Variants in ABCG5 observed in about 807,000 individuals in gnomAD.
ABCG5 encodes the protein ATP binding cassette subfamily G member 5.
ABCG5 carries 64 observed loss-of-function variants against 64.5 expected under a neutral mutation model. The ratio of observed to expected loss-of-function variants is 0.99; its 90% confidence interval spans 0.81 to 1.22. ABCG5 has a LOEUF of 1.22. Among genes scored for constraint, ABCG5 ranks in the 50% most tolerant of loss-of-function variants. ABCG5 has a pLI of 0.00. For missense variants in ABCG5, 908 were observed against 829.5 expected (o/e 1.09, Z -1.16); for synonymous variants, 385 against 326.3 (o/e 1.18, Z -1.94).
downstream of ABCG5, among the ~76,000 whole-genome samples, chr2:43,811,511 A>G (rs933015414): frequency 6.6e-6 from 1 of 152,194 alleles, no homozygotes; most frequent in African/African-American, 2.4e-5. Context: ...AAGTTACCAT[A>G]GTAACACTGA....
intron 4 of ABCG5, among the ~76,000 whole-genome samples, chr2:43,829,755 T>C (rs1050236151): frequency 1.3e-5 from 2 of 152,122 alleles, no homozygotes; most frequent in African/African-American, 4.8e-5. Flanking sequence ...GGCCGTGTTA[T>C]GAAAATGGAA....
rs1303059975 is a variant in ABCG5 at position 43,832,019 on chromosome 2, C to T, written c.330G>A (p.Leu110=). The T allele has an allele frequency of 6.4e-7, 1 of 1,570,658 alleles. No homozygotes were observed. The highest frequency in any genetic ancestry group is 2.3e-5 in the East Asian group (1 of 42,774). Residue 110 remains leucine, a synonymous_variant, in exon 3 of 13, where the codon CTG becomes CTA. Coordinates refer to ENST00000405322, the MANE Select transcript of ABCG5 (RefSeq NM_022436.3). ...CCCGGCCGTTCACATACACCTCCCC[C>T]AGGAAGGTCCCCGCGCGCCCCAGCC... ...SGRLGRAGTF[L]GEVYVNGRAL...
At position 43,822,642 on chromosome 2, in the gene ABCG5, T is replaced by C. The variant is rs986802102; in HGVS notation, c.1463+155A>G. The C allele has an allele frequency of 1.4e-5, 14 of 983,006 alleles. No homozygotes were observed. The Admixed American group carries it at 4.3e-4, about 30-fold the overall frequency. The allele number at this position is 983,006 out of a possible 1,614,324, so 60.9% of individuals were successfully genotyped here. ...GTTGGGCTATTTACAATAAAATTAA[T>C]GTCCTGGAAGATACGACATTGCACT... On this transcript the variant is annotated intron_variant, in intron 10 of 12. Transcript: ENST00000405322.
At chr2:43,823,814 G>T in intron 9 of ABCG5, 99 bp downstream of exon 9, 7 of 1,415,882 alleles carry the variant, frequency 4.9e-6, no homozygotes, top group Non-Finnish European at 6.7e-6. Flanking sequence ...GTTTAGCTCA[G>T]AGAAAAACCC....
chr2:43,808,218 T>C (rs1666340246), downstream of ABCG5, among the ~76,000 whole-genome samples: 3 of 151,846 alleles, frequency 2.0e-5, no homozygotes, highest in Admixed American at 6.6e-5. Flanking sequence ...CTACATATGA[T>C]TATTACCATG....
intron 6 of ABCG5, among the ~76,000 whole-genome samples, chr2:43,825,808 C>G (rs555791395): frequency 6.6e-6 from 1 of 152,180 alleles, no homozygotes; most frequent in Non-Finnish European, 1.5e-5. Context: ...CACTCTTTTC[C>G]TCTGTAAGGT....
At chr2:43,830,864 C>T (rs906616704) in intron 4 of ABCG5, among the ~76,000 whole-genome samples, 1 of 152,194 alleles carries the variant, frequency 6.6e-6, no homozygotes, top group Non-Finnish European at 1.5e-5. Context: ...GAGATTGGAA[C>T]CTAGAAGGAG....
downstream of ABCG5, chr2:43,810,483 C>T (rs1666444318): frequency 1.0e-6 from 1 of 985,352 alleles, no homozygotes; most frequent in Non-Finnish European, 1.2e-6. Context: ...GAAGCCATTC[C>T]AATCTGTAGA....
chr2:43,832,105 C>T, intron 2 of ABCG5, 22 bp from the exon 3 acceptor site: 5 of 1,569,380 alleles, frequency 3.2e-6, no homozygotes, highest in Non-Finnish European at 4.3e-6. Context: ...CAACAGAAGG[C>T]CCTAGAGGAA....
chr2:43,821,593 A>G (rs759548017), intron 10 of ABCG5, among the ~76,000 whole-genome samples: 4 of 151,880 alleles, frequency 2.6e-5, no homozygotes, highest in Non-Finnish European at 4.4e-5. Context: ...TGGGGACCCT[A>G]TTCTCCCTTA....
At chr2:43,833,890 G>A (rs1215227661) in intron 2 of ABCG5, among the ~76,000 whole-genome samples, 2 of 151,844 alleles carry the variant, frequency 1.3e-5, no homozygotes, top group African/African-American at 4.8e-5. Context: ...CACCACGTTG[G>A]CCAGGCTGGT....
chr2:43,829,934 G>A (rs530132664), intron 4 of ABCG5, among the ~76,000 whole-genome samples: 4 of 152,172 alleles, frequency 2.6e-5, no homozygotes, highest in African/African-American at 9.6e-5. Flanking sequence ...ATAATGAGAA[G>A]GTAAAAATGC....
Position 43,823,905 on chromosome 2 carries a change from G to A in ABCG5, c.1324+8C>T, listed in dbSNP as rs1667415958. ...AAAGAGGTGCACCTCCAGCACGTGG[G>A]CACTTACACAGATTCACAGCGTTCA... On this transcript the variant is annotated splice_region_variant and intron_variant, in intron 9 of 12. Transcript: ENST00000405322. The A allele has an allele frequency of 4.3e-6, 7 of 1,613,208 alleles. No homozygotes were observed. The highest frequency in any genetic ancestry group is 5.9e-6 in the Non-Finnish European group (7 of 1,179,280).
At chr2:43,819,774 G>T in intron 11 of ABCG5, 141 bp downstream of exon 11, 1 of 886,546 alleles carries the variant, frequency 1.1e-6, no homozygotes, top group Non-Finnish European at 1.8e-6. Context: ...AATGATTAAC[G>T]AGCAGTATAA....
rs1052358950 is a variant in ABCG5 at position 43,838,744 on chromosome 2, T to C, written c.-65A>G. 33 of 1,590,938 alleles carry C rather than the reference T, an allele frequency of 2.1e-5. No individual in the cohort carries two copies. Among genetic ancestry groups the C allele is most frequent in the Non-Finnish European group, 2.4e-5 (28 of 1,169,644 alleles). ...CGGACCCTCCCCAGAGTGGCTTCAG[T>C]TGGGGAGCCCGTGGCAGACTGCCCT... On this transcript the variant is annotated 5_prime_UTR_variant, in exon 1 of 13. Coordinates refer to ENST00000405322, the MANE Select transcript of ABCG5 (RefSeq NM_022436.3). This position sits in a 1 kb window ranked among gnomAD's most constrained non-coding sequence, Gnocchi z 4.2.
chr2:43,828,017 C>T lies in ABCG5; in HGVS notation c.600G>A (p.Arg200=), dbSNP rs1239066687. 1 of 1,614,100 alleles carries T rather than the reference C, an allele frequency of 6.2e-7. No individual in the cohort carries two copies. The highest frequency in any genetic ancestry group is 1.1e-5 in the South Asian group (1 of 91,076). ...GGAGCAGCTGGGCTGCGATGGAGAC[C>T]CGGCGCCGCTCACCCGTGGAAATGC... ...LGGISTGERR[R]VSIAAQLLQD... Residue 200 remains arginine, a synonymous_variant, in exon 5 of 13, where the codon CGG becomes CGA. Coordinates refer to ENST00000405322, the MANE Select transcript of ABCG5 (RefSeq NM_022436.3).
At chr2:43,829,654 A>T (rs1304430418) in intron 4 of ABCG5, among the ~76,000 whole-genome samples, 1 of 152,188 alleles carries the variant, frequency 6.6e-6, no homozygotes, top group African/African-American at 2.4e-5. Flanking sequence ...TGTACTGATT[A>T]CCTCTAACTG....
At chr2:43,832,560 T>A (rs1668016942) in intron 2 of ABCG5, 1 of 176,776 alleles carries the variant, frequency 5.7e-6, no homozygotes, top group African/African-American at 2.4e-5. Flanking sequence ...GCAAGCAGCA[T>A]CAGCAACCCC....
rs558840133 is a variant in ABCG5, at chr2:43,817,346, G to A, written c.1649+2569C>T. The stretch of plus-strand genomic sequence containing the variant: ...CCAAAAATACAAAAATTAGCTGGGC[G>A]TGGTGGTGCGCACCTGTAATCCCAG... On this transcript the variant is annotated intron_variant, in intron 11 of 12. Transcript: ENST00000405322. Among the ~76,000 whole-genome samples the A allele has an allele frequency of 3.3e-5, 5 of 152,116 alleles. No homozygotes were observed. The East Asian group carries it at 5.8e-4, about 18-fold the overall frequency.
Sources: allele counts gnomAD v4.1 joint callset (sites outside exome capture counted in the v4.1 genomes callset), GRCh38; gene constraint gnomAD v4.1.1; non-coding constraint Gnocchi (gnomAD v3.1); transcripts MANE v1.5; gene names NCBI Gene and HGNC (gene_info 2026-07-23, HGNC 2026-07-21).